Variants in ITK observed in about 807,000 individuals in gnomAD.
ITK encodes the protein IL2 inducible T cell kinase.
In ITK, 45 loss-of-function variants were observed where a neutral mutation model predicts 87.6. That is an observed-to-expected ratio of 0.51 (90% CI 0.40 to 0.66). ITK has a LOEUF of 0.66. Ranked by LOEUF, ITK falls within the 30% of genes least tolerant of loss-of-function variation. The probability of loss-of-function intolerance (pLI) is 0.00; values close to 1 mark genes in which losing one functional copy is unlikely to be tolerated. For synonymous variants in ITK, 303 were observed against 273.6 expected (o/e 1.11, Z -1.06); for missense variants, 605 against 766.3 (o/e 0.79, Z 2.48).
intron 1 of ITK, among the ~76,000 whole-genome samples, chr5:157,200,435 T>G (rs1488191055): frequency 1.3e-5 from 2 of 152,204 alleles, no homozygotes; most frequent in Non-Finnish European, 2.9e-5. Flanking sequence ...TACCCTGGCA[T>G]TTTTCAGAAA....
At chr5:157,244,871 G>A in intron 13 of ITK, 1 of 279,932 alleles carries the variant, frequency 3.6e-6, no homozygotes, top group Non-Finnish European at 7.1e-6. Flanking sequence ...ATCTCTGGTG[G>A]CTGGGACTCA....
intron 1 of ITK, among the ~76,000 whole-genome samples, chr5:157,196,303 G>A (rs866959389): frequency 6.6e-6 from 1 of 152,260 alleles, no homozygotes; most frequent in Middle Eastern, 3.4e-3. Flanking sequence ...CATGTGAGAA[G>A]CATGTTTTCT....
chr5:157,235,314 G>C (rs1190981483), intron 8 of ITK, among the ~76,000 whole-genome samples: 14 of 152,180 alleles, frequency 9.2e-5, no homozygotes, highest in Non-Finnish European at 1.6e-4. Context: ...CCACTAAAAA[G>C]CATCTCCTAA....
chr5:157,186,407 G>A (rs1753644629), intron 1 of ITK, among the ~76,000 whole-genome samples: 1 of 151,292 alleles, frequency 6.6e-6, no homozygotes, highest in Non-Finnish European at 1.5e-5. Context: ...GGGCACGATG[G>A]CCCATGCCTG....
In ITK at chr5:157,217,892, T is replaced by C; in HGVS notation, c.480T>C (p.Thr160=). The change falls in exon 5 of 17, where the codon ACT becomes ACC. Residue 160 remains threonine, a synonymous_variant. Coordinates refer to ENST00000422843, the MANE Select transcript of ITK (RefSeq NM_005546.4). ...CTTCAAAGAAGCCTCTTCCTCCTAC[T>C]CCTGAAGACAACAGGGTGAGTGAGA... The part of the protein sequence containing the change: ...KNASKKPLPP[T]PEDNRRPLWE... 1 of 1,613,996 alleles carries C rather than the reference T, an allele frequency of 6.2e-7. No homozygotes were observed. The highest frequency in any genetic ancestry group is 2.2e-5 in the East Asian group (1 of 44,888).
At chr5:157,190,972 A>G (rs1753741646) in intron 1 of ITK, among the ~76,000 whole-genome samples, 1 of 152,254 alleles carries the variant, frequency 6.6e-6, no homozygotes, top group South Asian at 2.1e-4. Context: ...CCCTCCATCT[A>G]GAAGTGAACT....
intron 6 of ITK, among the ~76,000 whole-genome samples, chr5:157,225,816 C>G (rs1561658366): frequency 6.6e-6 from 1 of 152,188 alleles, no homozygotes; most frequent in South Asian, 2.1e-4. Flanking sequence ...GGTCTACAAA[C>G]ACCGAAGGGA....
intron 3 of ITK, among the ~76,000 whole-genome samples, chr5:157,211,803 C>T (rs1427435686): frequency 6.6e-6 from 1 of 152,112 alleles, no homozygotes; most frequent in Non-Finnish European, 1.5e-5. Context: ...TTGCTATGTA[C>T]ACTTGGGCGA....
intron 8 of ITK, among the ~76,000 whole-genome samples, chr5:157,234,614 C>T (rs1425466721): frequency 6.6e-6 from 1 of 152,124 alleles, no homozygotes; most frequent in Non-Finnish European, 1.5e-5. Flanking sequence ...GAGTTCATGT[C>T]CTTTGCAGGG....
At chr5:157,185,487 AC>A (rs906480916) in intron 1 of ITK, among the ~76,000 whole-genome samples, 76 of 151,792 alleles carry the variant, frequency 5.0e-4, no homozygotes, top group African/African-American at 1.6e-3. Flanking sequence ...TGGTCTGCCC[AC>A]CTCGGCCTCC....
rs932720522 is a variant in ITK, at chr5:157,254,189, C to A, written c.*1511C>A. On this transcript the variant is annotated 3_prime_UTR_variant, in exon 17 of 17. Transcript: ENST00000422843. ...GCCAGTAAAGAAGTCAGTATAGAAC[C>A]ACTAGCGAATAGTGTTGCTCTGGCA... is the stretch of plus-strand genomic sequence containing the variant. 4.4e-6 allele frequency: 1 copy of A among 229,878 alleles called. No individual in the cohort carries two copies. Among genetic ancestry groups the A allele is most frequent in the Non-Finnish European group, 8.6e-6 (1 of 116,060 alleles). 14.2% of individuals were successfully genotyped at this position (229,878 alleles called of 1,614,324 possible).
At chr5:157,209,055 G>A (rs1754134899) in intron 2 of ITK, 62 bp downstream of exon 2, 1 of 1,117,584 alleles carries the variant, frequency 8.9e-7, no homozygotes. Flanking sequence ...TTCAGTCACA[G>A]CCGGGTGCAG....
At chr5:157,214,385 T>A in intron 4 of ITK, 66 bp downstream of exon 4, 1 of 1,343,644 alleles carries the variant, frequency 7.4e-7, no homozygotes, top group South Asian at 1.2e-5. Context: ...GCTTTTGGCC[T>A]TTAATCATTG....
intron 1 of ITK, among the ~76,000 whole-genome samples, chr5:157,206,456 G>A (rs1212497412): frequency 1.3e-5 from 2 of 152,150 alleles, no homozygotes; most frequent in African/African-American, 2.4e-5. Flanking sequence ...GTTTCAGTAG[G>A]AATTACATTG....
intron 15 of ITK, 23 bp from the exon 16 acceptor site, chr5:157,248,827 G>A (rs767884548): frequency 6.2e-7 from 1 of 1,613,732 alleles, no homozygotes; most frequent in East Asian, 2.2e-5. Flanking sequence ...CATTCACTGT[G>A]CTGTGCTCAC....
chr5:157,199,555 A>AGTTCAGG (rs1753921515), intron 1 of ITK: 2 of 152,214 alleles, frequency 1.3e-5, no homozygotes, highest in African/African-American at 4.8e-5. Context: ...TCCAGCACTG[A>AGTTCAGG]GTTCAGGGAA....
intron 16 of ITK, among the ~76,000 whole-genome samples, chr5:157,251,601 T>C (rs1186836924): frequency 6.6e-6 from 1 of 152,204 alleles, no homozygotes; most frequent in Non-Finnish European, 1.5e-5. Flanking sequence ...TTTTCTCCTA[T>C]GTTACTTTTT....
At chr5:157,224,743 T>C (rs1209425292) in intron 6 of ITK, among the ~76,000 whole-genome samples, 1 of 152,174 alleles carries the variant, frequency 6.6e-6, no homozygotes, top group East Asian at 1.9e-4. Flanking sequence ...CTCACACCAC[T>C]GCACTCCAGC....
chr5:157,250,103 G>C (rs909995244), intron 16 of ITK, among the ~76,000 whole-genome samples: 1 of 152,100 alleles, frequency 6.6e-6, no homozygotes, highest in Admixed American at 6.6e-5. Flanking sequence ...TTACATTAAG[G>C]TTCAGTCTTT....
Sources: gnomAD v4.1 joint callset for allele counts (sites outside exome capture counted in the v4.1 genomes callset) on GRCh38, gnomAD v4.1.1 for gene constraint, MANE v1.5 for transcripts, NCBI Gene and HGNC (gene_info 2026-07-23, HGNC 2026-07-21) for gene names.